Variants in NAALADL2 observed in about 807,000 individuals in gnomAD.
The protein encoded by NAALADL2 is N-acetylated alpha-linked acidic dipeptidase like 2, also known as inactive N-acetylated-alpha-linked acidic dipeptidase-like protein 2.
NAALADL2 carries 76 observed loss-of-function variants against 87.2 expected under a neutral mutation model. The observed-to-expected ratio is 0.87, with a 90% confidence interval of 0.72 to 1.05. The LOEUF (loss-of-function observed/expected upper bound fraction) is 1.05, where lower values mean the gene tolerates loss of function less well. NAALADL2 is among the 50% of genes least tolerant of loss of function. The pLI is 0.00. For missense variants in NAALADL2, 1,089 were observed against 945.8 expected, an observed-to-expected ratio of 1.15 and a Z score of -1.99; for synonymous variants, 354 against 331.0, an observed-to-expected ratio of 1.07 and a Z score of -0.75.
At chr3:174,961,111 A>G (rs988441288) in intron 1 of NAALADL2, among the ~76,000 whole-genome samples, 7 of 148,008 alleles carry the variant, frequency 4.7e-5, no homozygotes, top group African/African-American at 1.7e-4. Flanking sequence ...ATATAACATA[A>G]TGATATATAA....
At chr3:175,532,696 C>T (rs1420697335) in intron 9 of NAALADL2, among the ~76,000 whole-genome samples, 1 of 152,194 alleles carries the variant, frequency 6.6e-6, no homozygotes, top group Non-Finnish European at 1.5e-5. Flanking sequence ...TGGCTACACC[C>T]ACCTTGCCTT....
At chr3:174,468,234 T>C (rs1302889878) in intron 1 of NAALADL2, among the ~76,000 whole-genome samples, 1 of 152,194 alleles carries the variant, frequency 6.6e-6, no homozygotes, top group Non-Finnish European at 1.5e-5. Flanking sequence ...CTAGAGGTAC[T>C]CAAAATTCAA....
intron 3 of NAALADL2, among the ~76,000 whole-genome samples, chr3:174,754,162 A>G (rs1285815232): frequency 6.6e-6 from 1 of 152,208 alleles, no homozygotes; most frequent in Non-Finnish European, 1.5e-5. Context: ...TAAGGTAGTA[A>G]AAAGATTGTA....
At chr3:174,939,557 A>G (rs1456870428) in intron 1 of NAALADL2, among the ~76,000 whole-genome samples, 1 of 152,062 alleles carries the variant, frequency 6.6e-6, no homozygotes, top group African/African-American at 2.4e-5. Flanking sequence ...TGTCATTGGT[A>G]GTTTGATAGA....
intron 3 of NAALADL2, among the ~76,000 whole-genome samples, chr3:174,758,856 G>C (rs1268409492): frequency 2.6e-5 from 4 of 152,146 alleles, no homozygotes; most frequent in African/African-American, 9.7e-5. Context: ...TGCATCCCTA[G>C]TTTAAAAAAC....
chr3:174,939,004 T>G (rs1325789705), intron 1 of NAALADL2, among the ~76,000 whole-genome samples: 1 of 152,144 alleles, frequency 6.6e-6, no homozygotes, highest in Non-Finnish European at 1.5e-5. Context: ...CAGAAGCTCT[T>G]AAGTTTAATT....
chr3:175,253,691 C>T (rs761536639), intron 3 of NAALADL2, among the ~76,000 whole-genome samples: 1 of 152,128 alleles, frequency 6.6e-6, no homozygotes, highest in Non-Finnish European at 1.5e-5. Flanking sequence ...ATTCTAAATG[C>T]CATTAGCCAC....
intron 1 of NAALADL2, among the ~76,000 whole-genome samples, chr3:174,930,069 TG>T (rs2108409094): frequency 6.6e-6 from 1 of 152,290 alleles, no homozygotes; most frequent in Admixed American, 6.5e-5. Flanking sequence ...CATAGACTTA[TG>T]AGAAAAGTAT....
chr3:175,176,443 T>C (rs1004240421), intron 2 of NAALADL2, among the ~76,000 whole-genome samples: 2 of 152,146 alleles, frequency 1.3e-5, no homozygotes, highest in Non-Finnish European at 2.9e-5. Context: ...AGAGAAGATA[T>C]CAGAACACAA....
intron 5 of NAALADL2, among the ~76,000 whole-genome samples, chr3:175,326,216 G>A (rs1431506402): frequency 6.6e-6 from 1 of 152,128 alleles, no homozygotes; most frequent in Non-Finnish European, 1.5e-5. Flanking sequence ...TTGTAACAAC[G>A]ATGTCCTTTA....
At chr3:174,767,033 G>A (rs1161785832) in intron 3 of NAALADL2, among the ~76,000 whole-genome samples, 8 of 152,190 alleles carry the variant, frequency 5.3e-5, no homozygotes, top group African/African-American at 1.9e-4. Context: ...GCAGCCCTGG[G>A]TGGTAGCCCT....
At chr3:175,631,022 A>G (rs1006230799) in intron 11 of NAALADL2, among the ~76,000 whole-genome samples, 4 of 151,440 alleles carry the variant, frequency 2.6e-5, no homozygotes, top group Non-Finnish European at 5.9e-5. Flanking sequence ...GCCCAATCAC[A>G]TATTTTATAT....
At chr3:175,292,466 A>G (rs958561373) in intron 4 of NAALADL2, among the ~76,000 whole-genome samples, 1 of 152,044 alleles carries the variant, frequency 6.6e-6, no homozygotes, top group African/African-American at 2.4e-5. Flanking sequence ...ATCTTGGTAT[A>G]TTCTAGCTGC....
At chr3:175,356,057 G>A (rs1460913835) in intron 5 of NAALADL2, among the ~76,000 whole-genome samples, 1 of 152,030 alleles carries the variant, frequency 6.6e-6, no homozygotes, top group Non-Finnish European at 1.5e-5. Flanking sequence ...GTTTCAATAG[G>A]GATTTAAGAT....
chr3:175,333,945 A>G (rs983090274), intron 5 of NAALADL2, among the ~76,000 whole-genome samples: 1 of 152,178 alleles, frequency 6.6e-6, no homozygotes, highest in Non-Finnish European at 1.5e-5. Context: ...ATGCATCACC[A>G]TATATATGTA....
chr3:174,512,149 TGTA>T (rs752593025), intron 1 of NAALADL2, among the ~76,000 whole-genome samples: 7 of 152,196 alleles, frequency 4.6e-5, no homozygotes, highest in Non-Finnish European at 8.8e-5. Context: ...TCATTTCTGA[TGTA>T]GTAGCAATAA....
intron 2 of NAALADL2, among the ~76,000 whole-genome samples, chr3:174,719,195 G>C (rs575087243): frequency 8.5e-5 from 13 of 152,070 alleles, no homozygotes; most frequent in Non-Finnish European, 1.9e-4. Flanking sequence ...GGTTATTTGA[G>C]AAATTAACAT....
chr3:174,605,038 C>A (rs1718855991), intron 2 of NAALADL2, among the ~76,000 whole-genome samples: 1 of 152,160 alleles, frequency 6.6e-6, no homozygotes, highest in African/African-American at 2.4e-5. Flanking sequence ...CAGGTGTGAA[C>A]CACCATGACT....
At chr3:175,794,109 G>C (rs1353156934) in intron 13 of NAALADL2, among the ~76,000 whole-genome samples, 3 of 152,118 alleles carry the variant, frequency 2.0e-5, no homozygotes, top group African/African-American at 4.8e-5. Flanking sequence ...AATGGAAAAA[G>C]GACAATGCAA....
Sources: gnomAD v4.1 joint callset for allele counts (sites outside exome capture counted in the v4.1 genomes callset) on GRCh38, gnomAD v4.1.1 for gene constraint, MANE v1.5 for transcripts, NCBI Gene and HGNC (gene_info 2026-07-23, HGNC 2026-07-21) for gene names.